TIMM23: variants seen among roughly 807,000 people sequenced by gnomAD.
TIMM23 encodes the protein translocase of inner mitochondrial membrane 23, also known as mitochondrial import inner membrane translocase subunit Tim23.
Under a neutral mutation model 30.7 loss-of-function variants are expected in TIMM23, and 19 were observed. That is an observed-to-expected ratio of 0.62 (90% CI 0.43 to 0.91). The LOEUF (loss-of-function observed/expected upper bound fraction) is 0.91. Ranked by LOEUF, TIMM23 falls within the 40% of genes least tolerant of loss-of-function variation. The pLI, the probability that TIMM23 is intolerant of heterozygous loss-of-function variation, is 0.00. For synonymous variants in TIMM23, 78 were observed against 98.5 expected, an observed-to-expected ratio of 0.79 and a Z score of 1.23; for missense variants, 202 against 269.2, an observed-to-expected ratio of 0.75 and a Z score of 1.75.
At chr10:45,987,596 T>A (rs1233485302) in intron 5 of TIMM23, among the ~76,000 whole-genome samples, 3 of 150,558 alleles carry the variant, frequency 2.0e-5, no homozygotes, top group Non-Finnish European at 4.4e-5. Flanking sequence ...TACTTAACAT[T>A]TGCGTATTTA....
chr10:45,982,900 A>G lies in TIMM23; in HGVS notation c.314A>G (p.Asn105Ser). Residue 105 changes from asparagine to serine, a missense_variant, in exon 4 of 7, where the codon AAC becomes AGC. Coordinates refer to ENST00000580018, the MANE Select transcript of TIMM23 (RefSeq NM_006327.4). Reference protein sequence around the residue: ...GLRLGLKETQNMAWSKPRNVQ... With the variant: ...GLRLGLKETQSMAWSKPRNVQ... ...CGGCTAGGATTGAAGGAAACCCAGA[A>G]CATGGCCTGGTCCAAACCAAGAAAT... 2 of 1,613,944 alleles carry G rather than the reference A, an allele frequency of 1.2e-6. No individual in the cohort carries two copies. The highest frequency in any genetic ancestry group is 1.1e-5 in the South Asian group (1 of 91,076).
intron 6 of TIMM23, 139 bp from the exon 7 acceptor site, chr10:46,003,064 A>T: frequency 3.3e-6 from 2 of 608,362 alleles, no homozygotes; most frequent in Middle Eastern, 3.1e-4. Context: ...CGATCCACCC[A>T]CCTCGGCCTC....
Position 46,003,227 on chromosome 10 carries a change from G to C in TIMM23, c.539G>C (p.Gly180Ala). The change falls in exon 7 of 7, where the codon GGT becomes GCT. Residue 180 changes from glycine to alanine, a missense_variant. By Grantham distance (60) the Gly-to-Ala change is moderately conservative. Coordinates refer to ENST00000580018, the MANE Select transcript of TIMM23 (RefSeq NM_006327.4). Reference protein sequence around the residue: ...CTGGLRGIARGGLTGLTLTSL... With the variant: ...CTGGLRGIARAGLTGLTLTSL... The stretch of plus-strand genomic sequence containing the variant: ...GGTGGTCTTCGAGGGATAGCACGAG[G>C]TGGTCTGACAGGACTAACACTTACC... The C allele has an allele frequency of 1.2e-6, 2 of 1,614,100 alleles. No individual in the cohort carries two copies. Among genetic ancestry groups the C allele is most frequent in the Non-Finnish European group, 1.7e-6 (2 of 1,179,986 alleles).
At chr10:46,000,430 C>T (rs1554917493) in intron 6 of TIMM23, among the ~76,000 whole-genome samples, 1 of 152,214 alleles carries the variant, frequency 6.6e-6, no homozygotes, top group East Asian at 1.9e-4. Context: ...ATGTTGCCCA[C>T]GCTGGTCTTG....
At chr10:45,993,109 AT>A (rs1838215883) in intron 6 of TIMM23, among the ~76,000 whole-genome samples, 1 of 152,062 alleles carries the variant, frequency 6.6e-6, no homozygotes, top group Non-Finnish European at 1.5e-5. Flanking sequence ...TTGCACATAC[AT>A]TTTAGTTGTA....
chr10:45,972,944 A>G (rs1193583878), intron 1 of TIMM23, among the ~76,000 whole-genome samples: 1 of 152,146 alleles, frequency 6.6e-6, no homozygotes, highest in East Asian at 1.9e-4. Flanking sequence ...GCTGTCCGTG[A>G]TTGACCTGGA....
intron 6 of TIMM23, among the ~76,000 whole-genome samples, chr10:45,993,029 C>T (rs1276872065): frequency 6.6e-6 from 1 of 152,134 alleles, no homozygotes; most frequent in South Asian, 2.1e-4. Context: ...TCAAATGCTG[C>T]ATCATCTGTC....
intron 6 of TIMM23, among the ~76,000 whole-genome samples, chr10:45,999,919 A>G: frequency 6.6e-6 from 1 of 152,318 alleles, no homozygotes; most frequent in African/African-American, 2.4e-5. Context: ...CCTTGCTGAG[A>G]AAAAGAATTC....
rs1469634867 is a variant in TIMM23, at chr10:45,983,627, G to C, written c.344+697G>C. Among the ~76,000 whole-genome samples, 107 of 152,184 alleles carry C rather than the reference G, an allele frequency of 7.0e-4. 1 individual carries two copies. Among genetic ancestry groups the C allele is most frequent in the African/African-American group, 2.4e-3 (101 of 41,528 alleles). On this transcript the variant is annotated intron_variant, in intron 4 of 6. Coordinates refer to ENST00000580018, the MANE Select transcript of TIMM23 (RefSeq NM_006327.4). ...GTGGAATCATGAGTATGTATTCTTC[G>C]ATGGCTACTGTTTTGTTTTAGGACA...
chr10:45,992,662 A>G, intron 6 of TIMM23: 1 of 389,446 alleles, frequency 2.6e-6, no homozygotes, highest in South Asian at 1.9e-5. Flanking sequence ...GGTTCAAGCG[A>G]TTCTCCTGCC....
At chr10:45,992,203 A>G (rs1377986703) in intron 6 of TIMM23, among the ~76,000 whole-genome samples, 4 of 152,084 alleles carry the variant, frequency 2.6e-5, no homozygotes, top group Non-Finnish European at 4.4e-5. Flanking sequence ...GCCTCAAGCA[A>G]TCCTCCCACC....
intron 2 of TIMM23, among the ~76,000 whole-genome samples, chr10:45,980,203 C>A (rs1251044336): frequency 6.6e-6 from 1 of 150,746 alleles, no homozygotes; most frequent in African/African-American, 2.4e-5. Context: ...AGGTTAGAGA[C>A]ATCTTAAAGA....
chr10:45,998,263 C>A (rs1838408962), intron 6 of TIMM23: 1 of 404,890 alleles, frequency 2.5e-6, no homozygotes, highest in African/African-American at 2.2e-5. Context: ...TGCATTAGTT[C>A]TGCCACTAAT....
intron 6 of TIMM23, among the ~76,000 whole-genome samples, chr10:46,001,972 G>T (rs2132289218): frequency 6.6e-6 from 1 of 152,272 alleles, no homozygotes; most frequent in African/African-American, 2.4e-5. Flanking sequence ...TCCATTGCAA[G>T]TGAAATCCTT....
At chr10:45,983,039 C>T (rs1837890942) in intron 4 of TIMM23, 109 bp downstream of exon 4, 3 of 1,435,968 alleles carry the variant, frequency 2.1e-6, no homozygotes, top group East Asian at 4.6e-5. Flanking sequence ...TAGTTATGTG[C>T]TTTTTTGTCT....
intron 6 of TIMM23, among the ~76,000 whole-genome samples, chr10:45,997,690 A>G (rs942974023): frequency 5.3e-5 from 8 of 151,964 alleles, no homozygotes; most frequent in South Asian, 4.1e-4. Context: ...TTGTAGTCCT[A>G]CCTACTTAGG....
chr10:46,002,367 G>T (rs1458085258), intron 6 of TIMM23: 2 of 212,698 alleles, frequency 9.4e-6, no homozygotes, highest in East Asian at 1.8e-4. Context: ...GCAGAGACAG[G>T]GTTTTGCCGT....
At chr10:45,984,990 C>T (rs1837954015) in intron 4 of TIMM23, among the ~76,000 whole-genome samples, 2 of 152,104 alleles carry the variant, frequency 1.3e-5, no homozygotes, top group Admixed American at 1.3e-4. Flanking sequence ...GAAGCTAGCT[C>T]GCCATAGTTA....
At chr10:45,986,909 C>T (rs1838009601) in intron 5 of TIMM23, among the ~76,000 whole-genome samples, 2 of 152,002 alleles carry the variant, frequency 1.3e-5, no homozygotes, top group African/African-American at 2.4e-5. Flanking sequence ...GACTTCCTAG[C>T]GGTACTTTCT....
Sources: gnomAD v4.1 joint callset for allele counts (sites outside exome capture counted in the v4.1 genomes callset) on GRCh38, gnomAD v4.1.1 for gene constraint, MANE v1.5 for transcripts, NCBI Gene and HGNC (gene_info 2026-07-23, HGNC 2026-07-21) for gene names.